TLN2: variants seen among roughly 807,000 people sequenced by gnomAD.
TLN2 encodes talin-2.
A neutral mutation model predicts 294.7 loss-of-function variants in TLN2; 118 were observed. That is an observed-to-expected ratio of 0.40 (90% CI 0.34 to 0.47). The LOEUF is 0.47. Among genes scored for constraint, TLN2 ranks in the 20% least tolerant of loss-of-function variants. The probability of loss-of-function intolerance (pLI) is 0.84; values close to 1 mark genes in which losing one functional copy is unlikely to be tolerated. For missense variants in TLN2, 3,083 were observed against 3,282.2 expected (o/e 0.94, Z 1.48); for synonymous variants, 1,431 against 1,304.5 (o/e 1.10, Z -2.09).
At chr15:62,743,502 T>C (rs1184871249) in intron 32 of TLN2, among the ~76,000 whole-genome samples, 1 of 152,194 alleles carries the variant, frequency 6.6e-6, no homozygotes, top group Non-Finnish European at 1.5e-5. Flanking sequence ...CCCTTGGTTT[T>C]GGATGCCTAG....
intron 2 of TLN2, among the ~76,000 whole-genome samples, chr15:62,615,177 T>G (rs2048215297): frequency 6.6e-6 from 1 of 152,204 alleles, no homozygotes; most frequent in African/African-American, 2.4e-5. Context: ...ACAGGCTTCT[T>G]TATACTTAAA....
At chr15:62,511,662 C>T (rs192160865) in intron 1 of TLN2, among the ~76,000 whole-genome samples, 2 of 151,292 alleles carry the variant, frequency 1.3e-5, no homozygotes, top group South Asian at 2.1e-4. Flanking sequence ...TGGGAGTAAG[C>T]GGTATGCTTC....
chr15:62,644,358 C>G (rs751911871), intron 3 of TLN2, among the ~76,000 whole-genome samples: 2 of 152,080 alleles, frequency 1.3e-5, no homozygotes, highest in Non-Finnish European at 2.9e-5. Context: ...AATTTTTTCT[C>G]GTCTGCCAAT....
At chr15:62,747,077 A>C (rs1456177816) in intron 32 of TLN2, among the ~76,000 whole-genome samples, 1 of 152,218 alleles carries the variant, frequency 6.6e-6, no homozygotes, top group Non-Finnish European at 1.5e-5. Context: ...ACCTATGCAA[A>C]AAAAATGTTT....
chr15:62,537,118 A>C (rs531818636), intron 1 of TLN2, among the ~76,000 whole-genome samples: 1 of 151,688 alleles, frequency 6.6e-6, no homozygotes, highest in Admixed American at 6.6e-5. Flanking sequence ...TCCTGGGTTC[A>C]TGCCATTCCC....
chr15:62,710,863 C>T (rs1028548334), intron 21 of TLN2, among the ~76,000 whole-genome samples: 2 of 151,526 alleles, frequency 1.3e-5, no homozygotes, highest in Non-Finnish European at 2.9e-5. Flanking sequence ...GTAGCTGGCA[C>T]TACAGGCGCC....
chr15:62,770,215 G>C (rs1420446832), intron 41 of TLN2, among the ~76,000 whole-genome samples: 1 of 152,222 alleles, frequency 6.6e-6, no homozygotes, highest in African/African-American at 2.4e-5. Flanking sequence ...AAGTTGTGGA[G>C]GCTCAGTGAG....
intron 1 of TLN2, among the ~76,000 whole-genome samples, chr15:62,580,243 AC>A (rs1233456973): frequency 6.6e-6 from 1 of 152,210 alleles, no homozygotes; most frequent in African/African-American, 2.4e-5. Flanking sequence ...AGTGGGAAGT[AC>A]AGAGAGTTCC....
At chr15:62,831,969 C>T (rs2068895242) in intron 54 of TLN2, 1 of 152,152 alleles carries the variant, frequency 6.6e-6, no homozygotes, top group Non-Finnish European at 1.5e-5. Context: ...TAAAGTGCCT[C>T]ATTTTGGAGT....
chr15:62,547,163 G>C (rs2042040203), intron 1 of TLN2, among the ~76,000 whole-genome samples: 1 of 152,158 alleles, frequency 6.6e-6, no homozygotes, highest in Admixed American at 6.5e-5. Context: ...TTATTCTGTA[G>C]ATCACTCATA....
At chr15:62,413,442 G>A (rs1485950869) in intron 1 of TLN2, among the ~76,000 whole-genome samples, 1 of 152,122 alleles carries the variant, frequency 6.6e-6, no homozygotes, top group African/African-American at 2.4e-5. Context: ...AGTGTACAAG[G>A]CATAAAGATC....
At chr15:62,576,474 G>C (rs1361822550) in intron 1 of TLN2, among the ~76,000 whole-genome samples, 1 of 152,096 alleles carries the variant, frequency 6.6e-6, no homozygotes, top group African/African-American at 2.4e-5. Flanking sequence ...TTTAGCAGGT[G>C]AGTTGTATGG....
chr15:62,561,064 G>A (rs1488647846), intron 1 of TLN2, among the ~76,000 whole-genome samples: 2 of 152,220 alleles, frequency 1.3e-5, no homozygotes, highest in South Asian at 2.1e-4. Flanking sequence ...AAACAAGACG[G>A]AAGAAAGAGA....
Position 62,483,385 on chromosome 15 carries a change from T to A in TLN2, c.-238+92700T>A, listed in dbSNP as rs543334723. 1.0e-3 allele frequency among the ~76,000 whole-genome samples: 155 copies of A among 152,316 alleles called. 3 individuals are homozygous for A. The South Asian group carries it at 0.031, about 30-fold the overall frequency. On this transcript the variant is annotated intron_variant, in intron 1 of 58. Coordinates refer to ENST00000636159, the MANE Select transcript of TLN2 (RefSeq NM_015059.3). ...GTCAGCACCCTGCCTGGCCCATTCC[T>A]GTACCAAGGTGCTTAGAACAGACCT...
chr15:62,798,800 A>G (rs923762204), intron 48 of TLN2, among the ~76,000 whole-genome samples: 6 of 152,340 alleles, frequency 3.9e-5, no homozygotes, highest in Non-Finnish European at 7.3e-5. Flanking sequence ...CACAGCTCCG[A>G]GAGGAAACAT....
rs187259813 is a variant in TLN2 at position 62,547,031 on chromosome 15, A to G, written c.-237-42656A>G. 5.9e-5 allele frequency among the ~76,000 whole-genome samples: 9 copies of G among 152,356 alleles called. No individual in the cohort carries two copies. In the East Asian group the frequency reaches 1.7e-3, roughly 29 times the overall value. Reference sequence around the variant, plus strand: ...CAGGGAGGAAAGGGGATAAAGAAGCAGTATTGAAACACTGAATCTGGCCGT... The same window carrying G: ...CAGGGAGGAAAGGGGATAAAGAAGCGGTATTGAAACACTGAATCTGGCCGT... On this transcript the variant is annotated intron_variant, in intron 1 of 58. Coordinates refer to ENST00000636159, the MANE Select transcript of TLN2 (RefSeq NM_015059.3).
chr15:62,461,071 C>A (rs2036775018), intron 1 of TLN2, among the ~76,000 whole-genome samples: 1 of 152,152 alleles, frequency 6.6e-6, no homozygotes, highest in South Asian at 2.1e-4. Flanking sequence ...GCCTCAGACT[C>A]CCAAGTAGCA....
intron 42 of TLN2, among the ~76,000 whole-genome samples, chr15:62,775,813 T>C (rs2063683145): frequency 6.6e-6 from 1 of 152,244 alleles, no homozygotes; most frequent in South Asian, 2.1e-4. Flanking sequence ...CTGGATGTAA[T>C]GCAATTCCGA....
intron 37 of TLN2, among the ~76,000 whole-genome samples, chr15:62,757,516 A>C (rs2062364561): frequency 6.6e-6 from 1 of 152,174 alleles, no homozygotes; most frequent in South Asian, 2.1e-4. Context: ...ATTCTGTCGA[A>C]ATTTCTGGAG....
Sources: gnomAD v4.1 joint callset for allele counts (sites outside exome capture counted in the v4.1 genomes callset) on GRCh38, gnomAD v4.1.1 for gene constraint, MANE v1.5 for transcripts, NCBI Gene and HGNC (gene_info 2026-07-23, HGNC 2026-07-21) for gene names.